Variants in CDH13 observed in about 807,000 individuals in gnomAD.
CDH13 encodes cadherin-13.
CDH13 carries 24 observed loss-of-function variants against 63.8 expected under a neutral mutation model. The observed-to-expected ratio is 0.38, with a 90% confidence interval of 0.27 to 0.53. The LOEUF is 0.53. Ranked by LOEUF, CDH13 falls within the 20% of genes least tolerant of loss-of-function variation. The pLI is 0.85. For missense variants in CDH13, 1,049 were observed against 903.1 expected, an observed-to-expected ratio of 1.16 and a Z score of -2.07; for synonymous variants, 503 against 355.3, an observed-to-expected ratio of 1.42 and a Z score of -4.67.
intron 4 of CDH13, among the ~76,000 whole-genome samples, chr16:83,190,137 C>A (rs1008696169): frequency 6.6e-6 from 1 of 152,148 alleles, no homozygotes; most frequent in Non-Finnish European, 1.5e-5. Flanking sequence ...CAAGAATACC[C>A]CAAGGAGAAT....
chr16:82,787,476 G>C (rs1265320501), intron 1 of CDH13, among the ~76,000 whole-genome samples: 2 of 152,188 alleles, frequency 1.3e-5, no homozygotes, highest in East Asian at 3.8e-4. Context: ...GAAATTCTGA[G>C]TGTTTACTGT....
intron 3 of CDH13, among the ~76,000 whole-genome samples, chr16:83,044,676 G>C (rs1199454356): frequency 6.6e-6 from 1 of 152,166 alleles, no homozygotes; most frequent in East Asian, 1.9e-4. Context: ...TCACAACAAT[G>C]CCTGGATGCA....
chr16:83,050,300 A>T (rs73596244), intron 3 of CDH13, among the ~76,000 whole-genome samples: 1 of 152,134 alleles, frequency 6.6e-6, no homozygotes, highest in Non-Finnish European at 1.5e-5. Flanking sequence ...AAACCACCCA[A>T]CTGTCCCCTA....
intron 8 of CDH13, among the ~76,000 whole-genome samples, chr16:83,620,389 CA>C (rs60446363): frequency 0.41 from 39,324 of 96,466 alleles, 5,010 homozygotes; most frequent in Middle Eastern, 0.49. Flanking sequence ...GACTCCGTCT[CA>C]AAAAAAAAAA....
chr16:82,931,393 G>A (rs931713014), intron 2 of CDH13, among the ~76,000 whole-genome samples: 1 of 152,116 alleles, frequency 6.6e-6, no homozygotes, highest in Non-Finnish European at 1.5e-5. Context: ...GAAAGACTTG[G>A]ACTCACATCC....
chr16:83,324,589 A>G (rs1164021524), intron 5 of CDH13, among the ~76,000 whole-genome samples: 1 of 152,142 alleles, frequency 6.6e-6, no homozygotes, highest in Non-Finnish European at 1.5e-5. Context: ...GCTTCATCCC[A>G]TTTTATAGCT....
At chr16:83,203,079 C>G (rs554822989) in intron 4 of CDH13, among the ~76,000 whole-genome samples, 53 of 152,210 alleles carry the variant, frequency 3.5e-4, no homozygotes, top group African/African-American at 1.2e-3. Flanking sequence ...ACAAAATTAG[C>G]CAGGCATAGT....
rs1267984725 is a variant in CDH13 at position 83,508,079 on chromosome 16, GGAAGGAAGGAAGGAAGGAAA to G, written c.960+21436_960+21455del. ...AAGAAGGAAGGAAGGAAGGAAGGAA[GGAAGGAAGGAAGGAAGGAAA>G]GAAGGAAGGAAAAGGAAGGAAGGGA... is the stretch of plus-strand genomic sequence containing the variant. On this transcript the variant is annotated intron_variant, in intron 7 of 13. Transcript: ENST00000567109. 7.2e-3 allele frequency among the ~76,000 whole-genome samples: 493 copies of G among 68,878 alleles called. 5 individuals are homozygous for G. Among genetic ancestry groups the G allele is most frequent in the African/African-American group, 0.025 (456 of 18,456 alleles). The allele number at this position is 68,878 out of a possible 152,430, so 45.2% of individuals were successfully genotyped here. A position where few individuals can be genotyped will look rare whatever the true frequency, so the allele number is the denominator to read the frequency against.
At chr16:83,676,113 G>GA (rs1914932110) in intron 9 of CDH13, among the ~76,000 whole-genome samples, 3 of 152,126 alleles carry the variant, frequency 2.0e-5, no homozygotes, top group Non-Finnish European at 4.4e-5. Flanking sequence ...GTCTCCTTGG[G>GA]AAAAAACAAC....
At chr16:83,187,254 G>C (rs1421916054) in intron 4 of CDH13, among the ~76,000 whole-genome samples, 1 of 152,214 alleles carries the variant, frequency 6.6e-6, no homozygotes, top group Non-Finnish European at 1.5e-5. Flanking sequence ...ACAGGCGTAA[G>C]CCACCACGCC....
chr16:83,242,296 A>G (rs1904538478), intron 5 of CDH13, among the ~76,000 whole-genome samples: 2 of 152,198 alleles, frequency 1.3e-5, no homozygotes, highest in African/African-American at 2.4e-5. Context: ...GCTCTCTTGA[A>G]CCAAAAGATG....
At chr16:83,418,782 A>C (rs1014614560) in intron 6 of CDH13, among the ~76,000 whole-genome samples, 3 of 152,134 alleles carry the variant, frequency 2.0e-5, no homozygotes, top group Non-Finnish European at 4.4e-5. Context: ...GGACAGCAGG[A>C]AAGACAGGAG....
chr16:83,156,179 A>C (rs2037199789), intron 4 of CDH13, among the ~76,000 whole-genome samples: 1 of 152,222 alleles, frequency 6.6e-6, no homozygotes, highest in Non-Finnish European at 1.5e-5. Flanking sequence ...TATAAATTAA[A>C]GAATAACCAA....
intron 1 of CDH13, among the ~76,000 whole-genome samples, chr16:82,853,155 G>A (rs528899354): frequency 1.3e-5 from 2 of 152,278 alleles, no homozygotes; most frequent in Non-Finnish European, 2.9e-5. Flanking sequence ...GATGCTTGGT[G>A]TCCTACAGAG....
chr16:82,811,049 C>G (rs766542935), intron 1 of CDH13, among the ~76,000 whole-genome samples: 1 of 152,024 alleles, frequency 6.6e-6, no homozygotes, highest in Non-Finnish European at 1.5e-5. Context: ...TTTTAAATTA[C>G]GATATAAGCT....
At chr16:82,858,657 A>C in intron 2 of CDH13, 184 bp downstream of exon 2, 1 of 642,020 alleles carries the variant, frequency 1.6e-6, no homozygotes, top group African/African-American at 1.8e-5. Context: ...AGAGGTTAAT[A>C]GAGTGATATG....
intron 2 of CDH13, among the ~76,000 whole-genome samples, chr16:82,912,085 C>G (rs2041849594): frequency 6.6e-6 from 1 of 152,094 alleles, no homozygotes; most frequent in Non-Finnish European, 1.5e-5. Context: ...CTTCAGCCAT[C>G]CCATCCCGCC....
intron 3 of CDH13, among the ~76,000 whole-genome samples, chr16:83,064,258 A>G (rs111324090): frequency 0.052 from 7,984 of 152,238 alleles, 313 homozygotes; most frequent in Non-Finnish European, 0.076. Context: ...GATCCCAGCT[A>G]TTCAAGAGGC....
intron 6 of CDH13, among the ~76,000 whole-genome samples, chr16:83,378,789 G>A (rs2091503038): frequency 6.6e-6 from 1 of 152,116 alleles, no homozygotes; most frequent in Non-Finnish European, 1.5e-5. Flanking sequence ...TTATTAAACA[G>A]TAGAACTGTC....
Sources: gnomAD v4.1 joint callset for allele counts (sites outside exome capture counted in the v4.1 genomes callset) on GRCh38, gnomAD v4.1.1 for gene constraint, MANE v1.5 for transcripts, NCBI Gene and HGNC (gene_info 2026-07-23, HGNC 2026-07-21) for gene names.